Variants in FAM9B observed in about 807,000 individuals in gnomAD.
FAM9B encodes protein FAM9B.
A neutral mutation model predicts 16.6 loss-of-function variants in FAM9B; 18 were observed. The ratio of observed to expected loss-of-function variants is 1.09; its 90% CI spans 0.75 to 1.61. FAM9B has a LOEUF of 1.61. Ranked by LOEUF, FAM9B falls within the 40% of genes most tolerant of loss-of-function variation. The probability of loss-of-function intolerance (pLI) is 0.00; values close to 1 mark genes in which losing one functional copy is unlikely to be tolerated. For missense variants in FAM9B, 155 were observed against 136.0 expected, an observed-to-expected ratio of 1.14 and a Z score of -0.70; for synonymous variants, 43 against 42.6, an observed-to-expected ratio of 1.01 and a Z score of -0.03.
chrX:9,025,870 A>G (rs1920962475), intron 7 of FAM9B, among the ~76,000 whole-genome samples: 1 of 111,542 alleles, frequency 9.0e-6, no homozygotes, highest in Admixed American at 9.6e-5. Flanking sequence ...GCGAAGACAG[A>G]AAAAGACGGG....
chrX:9,029,298 G>T lies in FAM9B; in HGVS notation c.393+9C>A. The T allele has an allele frequency of 8.7e-7, 1 of 1,151,583 alleles. No individual in the cohort carries two copies. The highest frequency in any genetic ancestry group is 1.8e-5 in the African/African-American group (1 of 56,589). 94.9% of individuals were successfully genotyped at this position (1,151,583 alleles called of 1,213,427 possible). A position where few individuals can be genotyped will look rare whatever the true frequency, so the allele number is the denominator to read the frequency against. On this transcript the variant is annotated intron_variant, in intron 6 of 8. Transcript: ENST00000327220. Reference sequence around the variant, plus strand: ...ACAGGTTATACATAAAGCTAAGCATGATACCAACAATTAGTTCTTCCTCTT... The same window carrying T: ...ACAGGTTATACATAAAGCTAAGCATTATACCAACAATTAGTTCTTCCTCTT...
Position 9,033,038 on chromosome X carries a change from G to C in FAM9B, c.-52C>G, listed in dbSNP as rs1400098383. The stretch of plus-strand genomic sequence containing the variant: ...CAGCCCTCCTGCCCACAGGATCCGT[G>C]GCTGGTTGTCCTGGGAAGCTAGAGG... On this transcript the variant is annotated 5_prime_UTR_variant, in exon 2 of 9. Transcript: ENST00000327220. The C allele has an allele frequency of 8.3e-7, 1 of 1,210,277 alleles. No homozygotes were observed. Among genetic ancestry groups the C allele is most frequent in the African/African-American group, 1.7e-5 (1 of 57,294 alleles).
Position 9,033,000 on chromosome X carries a change from A to C in FAM9B, c.-14T>G, listed in dbSNP as rs762007446. 1 of 1,211,807 alleles carries C rather than the reference A, an allele frequency of 8.3e-7. No homozygotes were observed. The highest frequency in any genetic ancestry group is 1.1e-6 in the Non-Finnish European group (1 of 895,482). On this transcript the variant is annotated 5_prime_UTR_variant, in exon 2 of 9. Transcript: ENST00000327220. ...CCAGGCCGCCATAAATTGAGCCTCC[A>C]ACTGGGCCTTGGCAGCCCTCCTGCC...
Position 9,032,380 on chromosome X carries a change from C to T in FAM9B, c.110G>A (p.Gly37Glu), listed in dbSNP as rs1334844415. 8.3e-7 allele frequency: 1 copy of T among 1,211,678 alleles called. No individual in the cohort carries two copies. Among genetic ancestry groups the T allele is most frequent in the Admixed American group, 2.2e-5 (1 of 46,011 alleles). Reference protein sequence around the residue: ...TREEDVTDEHGEREPFAETDE... With the variant: ...TREEDVTDEHEEREPFAETDE... ...TGTTTCAGCAAAAGGTTCTCTTTCC[C>T]CATGCTCATCAGTTACATCTTCCTC... The change falls in exon 3 of 9, where the codon GGG becomes GAG. Residue 37 changes from glycine to glutamate, a missense_variant. Transcript: ENST00000327220.
intron 2 of FAM9B, 182 bp downstream of exon 2, chrX:9,032,777 G>C: frequency 1.5e-6 from 1 of 646,227 alleles, no homozygotes; most frequent in Non-Finnish European, 2.3e-6. Context: ...CCTTCCACGG[G>C]GAAGCCTAAG....
intron 7 of FAM9B, among the ~76,000 whole-genome samples, chrX:9,027,451 C>T (rs189456815): frequency 7.1e-4 from 79 of 111,309 alleles, no homozygotes; most frequent in Admixed American, 2.8e-3. Flanking sequence ...CATTAAAACC[C>T]ATTTATGCCT....
rs144948393 is a variant in FAM9B at position 9,029,370 on chromosome X, T to C, written c.330A>G (p.Glu110=). Reference sequence around the variant, plus strand: ...CTTTCTGCTCGTCTGTGATGTATTCTTCAAGGACATTTAGCAACTTCAGAG... The same window carrying C: ...CTTTCTGCTCGTCTGTGATGTATTCCTCAAGGACATTTAGCAACTTCAGAG... ...IHSLKLLNVL[E]EYITDEQKEE... Residue 110 remains glutamate (E), a synonymous_variant, in exon 6 of 9, where the codon GAA becomes GAG. Transcript: ENST00000327220. 2.5e-6 allele frequency: 3 copies of C among 1,208,209 alleles called. No homozygotes were observed. Among genetic ancestry groups the C allele is most frequent in the African/African-American group, 3.5e-5 (2 of 57,192 alleles).
At position 9,034,058 on chromosome X, in the gene FAM9B, A is replaced by C; in HGVS notation, c.-296T>G. ...TCCGTCCCAAAAAAAACAAAACAAAAAAACAAAAAAAAAGAAAAGTAAAGA... is the reference window on the plus strand; with the variant it reads ...TCCGTCCCAAAAAAAACAAAACAAACAAACAAAAAAAAAGAAAAGTAAAGA... On this transcript the variant is annotated 5_prime_UTR_variant, in exon 1 of 9. Coordinates refer to ENST00000327220, the MANE Select transcript of FAM9B (RefSeq NM_205849.3). The C allele has an allele frequency of 4.4e-6, 1 of 226,593 alleles. No individual in the cohort carries two copies. Among genetic ancestry groups the C allele is most frequent in the Non-Finnish European group, 6.4e-6 (1 of 156,979 alleles). 18.7% of individuals were successfully genotyped at this position (226,593 alleles called of 1,213,427 possible).
Position 9,029,427 on chromosome X carries a change from CATA to C in FAM9B, c.282-12_282-10del. 8.9e-7 allele frequency: 1 copy of C among 1,119,219 alleles called. No homozygotes were observed. The highest frequency in any genetic ancestry group is 1.2e-6 in the Non-Finnish European group (1 of 813,149). The allele number at this position is 1,119,219 out of a possible 1,213,427, so 92.2% of individuals were successfully genotyped here. A position where few individuals can be genotyped will look rare whatever the true frequency, so the allele number is the denominator to read the frequency against. On this transcript the variant is annotated splice_polypyrimidine_tract_variant and intron_variant, in intron 5 of 8. Coordinates refer to ENST00000327220, the MANE Select transcript of FAM9B (RefSeq NM_205849.3). ...TATAATCACGTTTCTGCCTGTAACA[CATA>C]ATAAGTAACACGGTCATACGTCATA...
chrX:9,031,958 C>A (rs1197498270), intron 4 of FAM9B, 172 bp downstream of exon 4: 2 of 419,153 alleles, frequency 4.8e-6, no homozygotes, highest in Admixed American at 4.5e-5. Context: ...CATCAACAAT[C>A]AAAAAGGTAA....
intron 4 of FAM9B, 56 bp from the exon 5 acceptor site, chrX:9,030,416 T>C (rs1921035843): frequency 1.0e-6 from 1 of 960,119 alleles, no homozygotes. Flanking sequence ...TGTTGAAAAG[T>C]AGTTTCTTTG....
intron 6 of FAM9B, 104 bp from the exon 7 acceptor site, chrX:9,028,070 T>C (rs1920984749): frequency 1.9e-6 from 1 of 526,413 alleles, no homozygotes; most frequent in Non-Finnish European, 3.2e-6. Flanking sequence ...AATCAATACC[T>C]CTGAACACTT....
At chrX:9,028,169 T>C (rs918584150) in intron 6 of FAM9B, among the ~76,000 whole-genome samples, 8 of 112,150 alleles carry the variant, frequency 7.1e-5, no homozygotes, top group Non-Finnish European at 1.3e-4. Context: ...TTATCAGTCA[T>C]TAAGTAAAGA....
chrX:9,030,885 A>G (rs932563383), intron 4 of FAM9B: 8 of 112,200 alleles, frequency 7.1e-5, no homozygotes, highest in Non-Finnish European at 1.5e-4. Flanking sequence ...TAAAAGAAGC[A>G]ATGGCCATGA....
chrX:9,030,398 A>C (rs774933835), intron 4 of FAM9B, 38 bp from the exon 5 acceptor site: 2 of 1,066,714 alleles, frequency 1.9e-6, no homozygotes, highest in South Asian at 4.4e-5. Flanking sequence ...AAATGGATTA[A>C]AAGTTAATGT....
At position 9,033,922 on chromosome X, in the gene FAM9B, C is replaced by T. The variant is rs1007504537; in HGVS notation, c.-160G>A. On this transcript the variant is annotated 5_prime_UTR_variant, in exon 1 of 9. Coordinates refer to ENST00000327220, the MANE Select transcript of FAM9B (RefSeq NM_205849.3). Reference sequence around the variant, plus strand: ...GGCACCACTAGGACCTCTTAGAAAACGGGTCCTCTCAGGAAGCTGAGGCAG... The same window carrying T: ...GGCACCACTAGGACCTCTTAGAAAATGGGTCCTCTCAGGAAGCTGAGGCAG... 9 of 750,681 alleles carry T rather than the reference C, an allele frequency of 1.2e-5. No individual in the cohort carries two copies. Among genetic ancestry groups the T allele is most frequent in the Non-Finnish European group, 1.1e-5 (7 of 638,432 alleles). The allele number at this position is 750,681 out of a possible 1,213,427, so 61.9% of individuals were successfully genotyped here.
In FAM9B at chrX:9,034,005, A is replaced by G; in HGVS notation, c.-243T>C. ...CAGTGAGCCCAGATCACACCACTGC[A>G]CTGCAGCCTAGGCAGCAAGAGCCAG... On this transcript the variant is annotated 5_prime_UTR_variant, in exon 1 of 9. Coordinates refer to ENST00000327220, the MANE Select transcript of FAM9B (RefSeq NM_205849.3). 2.1e-6 allele frequency: 1 copy of G among 477,817 alleles called. No individual in the cohort carries two copies. Among genetic ancestry groups the G allele is most frequent in the Non-Finnish European group, 2.6e-6 (1 of 387,901 alleles). 39.4% of individuals were successfully genotyped at this position (477,817 alleles called of 1,213,427 possible).
Position 9,024,234 on chromosome X carries a change from T to C in FAM9B, c.*1175A>G, listed in dbSNP as rs1177465675. ...AAAAAAGGAAAGGCAGGCGAATTCATCATTCAAGTTTTTAGATGTCCATAT... is the reference window on the plus strand; with the variant it reads ...AAAAAAGGAAAGGCAGGCGAATTCACCATTCAAGTTTTTAGATGTCCATAT... On this transcript the variant is annotated 3_prime_UTR_variant, in exon 9 of 9. Coordinates refer to ENST00000327220, the MANE Select transcript of FAM9B (RefSeq NM_205849.3). 1 of 111,553 alleles carries C rather than the reference T, an allele frequency of 9.0e-6. No individual in the cohort carries two copies. Among genetic ancestry groups the C allele is most frequent in the Non-Finnish European group, 1.9e-5 (1 of 53,156 alleles). The allele number at this position is 111,553 out of a possible 1,213,427, so 9.2% of individuals were successfully genotyped here. A position where few individuals can be genotyped will look rare whatever the true frequency, so the allele number is the denominator to read the frequency against.
Position 9,033,084 on chromosome X carries a change from C to A in FAM9B, c.-89-9G>T, listed in dbSNP as rs748974724. The A allele has an allele frequency of 2.5e-5, 30 of 1,206,007 alleles. No homozygotes were observed. Among genetic ancestry groups the A allele is most frequent in the Non-Finnish European group, 3.0e-5 (27 of 892,211 alleles). On this transcript the variant is annotated splice_polypyrimidine_tract_variant and intron_variant, in intron 1 of 8. Transcript: ENST00000327220. The stretch of plus-strand genomic sequence containing the variant: ...AGAGGCGATCCCCGAACCTGGTGAG[C>A]GCAAAGACACACTAAGGAAGCTAAG...
Sources: gnomAD v4.1 joint callset for allele counts (sites outside exome capture counted in the v4.1 genomes callset) on GRCh38, gnomAD v4.1.1 for gene constraint, MANE v1.5 for transcripts, NCBI Gene and HGNC (gene_info 2026-07-23, HGNC 2026-07-21) for gene names.